The following TTC6 variants were observed in gnomAD, a reference collection of about 807,000 sequenced individuals.
The protein encoded by TTC6 is tetratricopeptide repeat domain 6, also known as tetratricopeptide repeat protein 6.
TTC6 carries 172 observed loss-of-function variants against 210.4 expected under a neutral mutation model. The ratio of observed to expected loss-of-function variants is 0.82; its 90% CI spans 0.72 to 0.93. The LOEUF is 0.93. TTC6 is among the 40% of genes least tolerant of loss of function. The pLI is 0.00. For synonymous variants in TTC6, 804 were observed against 819.6 expected (o/e 0.98, Z 0.32); for missense variants, 2,414 against 2,318.1 (o/e 1.04, Z -0.85).
intron 5 of TTC6, 105 bp downstream of exon 7, chr14:37,701,631 C>A: frequency 6.4e-6 from 7 of 1,094,878 alleles, no homozygotes; most frequent in Non-Finnish European, 8.6e-6. Context: ...TTCTTGGACA[C>A]TAAAGAGGAG....
At chr14:37,775,738 T>A (rs1278630538) in intron 14 of TTC6, among the ~76,000 whole-genome samples, 1 of 152,134 alleles carries the variant, frequency 6.6e-6, no homozygotes, top group Non-Finnish European at 1.5e-5. Flanking sequence ...CCCACTATTA[T>A]CTTGTGGTTA....
chr14:37,770,910 A>G (rs2139179297), intron 14 of TTC6, among the ~76,000 whole-genome samples: 1 of 147,072 alleles, frequency 6.8e-6, no homozygotes, highest in South Asian at 2.4e-4. Context: ...GATGGTCTTT[A>G]CATTTTGGCA....
At chr14:37,602,354 C>A (rs1016674851) in intron 1 of TTC6, among the ~76,000 whole-genome samples, 1 of 152,188 alleles carries the variant, frequency 6.6e-6, no homozygotes, top group Middle Eastern at 3.2e-3. Context: ...TACACACTTG[C>A]CATGTGTAAT....
At chr14:37,661,139 C>T (rs1270249090) in intron 1 of TTC6, among the ~76,000 whole-genome samples, 1 of 152,168 alleles carries the variant, frequency 6.6e-6, no homozygotes, top group African/African-American at 2.4e-5. Flanking sequence ...TGTAGGTTGC[C>T]TGTTCACTCT....
intron 14 of TTC6, among the ~76,000 whole-genome samples, chr14:37,776,423 C>T (rs929460541): frequency 2.6e-5 from 4 of 152,068 alleles, no homozygotes; most frequent in African/African-American, 9.7e-5. Flanking sequence ...GGTCTGTGTA[C>T]TTAAGTGTGT....
intron 25 of TTC6, among the ~76,000 whole-genome samples, chr14:37,816,651 C>A (rs1490520376): frequency 6.6e-6 from 1 of 152,080 alleles, no homozygotes. Flanking sequence ...TTCAGAAGCC[C>A]TTCCTATATT....
intron 1 of TTC6, among the ~76,000 whole-genome samples, chr14:37,652,764 A>G (rs1057276713): frequency 9.2e-5 from 14 of 152,128 alleles, no homozygotes; most frequent in South Asian, 4.1e-4. Flanking sequence ...GTTGATTCCT[A>G]TTATGGAATA....
intron 1 of TTC6, among the ~76,000 whole-genome samples, chr14:37,635,197 G>A (rs2095677759): frequency 6.6e-6 from 1 of 152,180 alleles, no homozygotes; most frequent in African/African-American, 2.4e-5. Flanking sequence ...AGTTAAAGTG[G>A]ATATAAAGGG....
chr14:37,599,618 G>T (rs931922075), intron 1 of TTC6, among the ~76,000 whole-genome samples: 1 of 152,174 alleles, frequency 6.6e-6, no homozygotes, highest in African/African-American at 2.4e-5. Context: ...AGCCGGAGCT[G>T]CTCCCCACCC....
At chr14:37,697,153 C>T (rs1170312707) in intron 4 of TTC6, among the ~76,000 whole-genome samples, 1 of 151,910 alleles carries the variant, frequency 6.6e-6, no homozygotes, top group African/African-American at 2.4e-5. Context: ...CATTGTAATG[C>T]CTGATTTGGA....
At chr14:37,622,930 A>C (rs1274127349) in exon 1 of TTC6, 1 of 1,533,568 alleles carries the variant, frequency 6.5e-7, no homozygotes, top group Non-Finnish European at 8.7e-7. Context: ...TCCGAGGCCC[A>C]GCTGGCCTCC....
At chr14:37,666,608 A>G (rs1217450873) in intron 1 of TTC6, among the ~76,000 whole-genome samples, 1 of 150,450 alleles carries the variant, frequency 6.6e-6, no homozygotes, top group Non-Finnish European at 1.5e-5. Flanking sequence ...CTTTTGTCAA[A>G]CTGCCCATTA....
intron 26 of TTC6, among the ~76,000 whole-genome samples, chr14:37,819,186 CGTGTT>C (rs1384131644): frequency 6.6e-6 from 1 of 152,106 alleles, no homozygotes; most frequent in Non-Finnish European, 1.5e-5. Flanking sequence ...CCCAGTTCCA[CGTGTT>C]TCGAGTTCTA....
chr14:37,718,397 G>C (rs1324962225), intron 6 of TTC6, among the ~76,000 whole-genome samples: 1 of 152,106 alleles, frequency 6.6e-6, no homozygotes, highest in African/African-American at 2.4e-5. Context: ...TTTCAGAAAA[G>C]TAGGAATAGA....
At chr14:37,656,514 CGTGTGTGTGTGTGT>C (rs35073797) in intron 1 of TTC6, among the ~76,000 whole-genome samples, 2 of 147,802 alleles carry the variant, frequency 1.4e-5, no homozygotes, top group Non-Finnish European at 3.0e-5. Context: ...TGTGTGTGTG[CGTGTGTGTGTGTGT>C]GTGTGTGTGT....
rs144227882 is a variant in TTC6, at chr14:37,784,029, C to G, written c.3267-3439C>G. Among the ~76,000 whole-genome samples, 147 of 152,242 alleles carry G rather than the reference C, an allele frequency of 9.7e-4. No individual in the cohort carries two copies. In the East Asian group the frequency reaches 0.026, roughly 27 times the overall value. ...TATAATTTCTGTTCTTTTACATTTG[C>G]TGAGGAATGCTTTACTTCGAACTGT... On this transcript the variant is annotated intron_variant, in intron 14 of 30. Transcript: ENST00000553443.
At position 37,818,956 on chromosome 14, in the gene TTC6, T is replaced by C. The variant is rs541392744; in HGVS notation, c.4763+1305T>C. 1.2e-4 allele frequency among the ~76,000 whole-genome samples: 19 copies of C among 152,296 alleles called. No individual in the cohort carries two copies. The South Asian group carries it at 3.9e-3, about 32-fold the overall frequency. On this transcript the variant is annotated intron_variant, in intron 26 of 30. Transcript: ENST00000553443. ...GCTCCAAAACTACTCTCTACCTCAC[T>C]CCTATGTTTAGCAACCATTAGAGCC...
chr14:37,721,115 T>G (rs1264664794), intron 6 of TTC6, among the ~76,000 whole-genome samples: 1 of 149,882 alleles, frequency 6.7e-6, no homozygotes, highest in African/African-American at 2.5e-5. Context: ...AGAAAAAAAA[T>G]GTAGCCTCAG....
At chr14:37,694,154 A>G (rs1157617417) in intron 3 of TTC6, among the ~76,000 whole-genome samples, 1 of 152,216 alleles carries the variant, frequency 6.6e-6, no homozygotes, top group African/African-American at 2.4e-5. Flanking sequence ...GGATACAATC[A>G]GTAAAGTGAA....
Sources: allele counts gnomAD v4.1 joint callset (sites outside exome capture counted in the v4.1 genomes callset), GRCh38; gene constraint gnomAD v4.1.1; transcripts MANE v1.5; gene names NCBI Gene and HGNC (gene_info 2026-07-23, HGNC 2026-07-21).